The following HPSE2 variants were observed in gnomAD, a reference collection of about 807,000 sequenced individuals.
The protein encoded by HPSE2 is inactive heparanase-2.
A neutral mutation model predicts 60.5 loss-of-function variants in HPSE2; 38 were observed. The observed-to-expected ratio is 0.63, with a 90% CI of 0.48 to 0.82. The LOEUF (loss-of-function observed/expected upper bound fraction) is 0.82, where lower values mean the gene tolerates loss of function less well. Ranked by LOEUF, HPSE2 falls within the 40% of genes least tolerant of loss-of-function variation. The pLI, the probability that HPSE2 is intolerant of heterozygous loss-of-function variation, is 0.00. For missense variants in HPSE2, 713 were observed against 740.4 expected, an observed-to-expected ratio of 0.96 and a Z score of 0.43; for synonymous variants, 295 against 293.2, an observed-to-expected ratio of 1.01 and a Z score of -0.06.
At chr10:98,859,817 A>T (rs141471833) in intron 3 of HPSE2, among the ~76,000 whole-genome samples, 2 of 152,290 alleles carry the variant, frequency 1.3e-5, no homozygotes, top group Non-Finnish European at 2.9e-5. Context: ...ATATATAAAC[A>T]GTAGTCTTGC....
At chr10:98,947,453 T>G (rs1421268226) in intron 3 of HPSE2, among the ~76,000 whole-genome samples, 1 of 152,122 alleles carries the variant, frequency 6.6e-6, no homozygotes, top group Admixed American at 6.6e-5. Context: ...AGATGTGGCT[T>G]TTAAAAAGTC....
intron 3 of HPSE2, among the ~76,000 whole-genome samples, chr10:98,745,844 C>A (rs934755830): frequency 1.3e-5 from 2 of 152,114 alleles, no homozygotes; most frequent in East Asian, 1.9e-4. Flanking sequence ...TAGGGTTCCA[C>A]AAGAGGTCAC....
rs1009509317 is a variant in HPSE2, at chr10:98,562,171, C to T, written c.1320+52733G>A. On this transcript the variant is annotated intron_variant, in intron 9 of 11. Coordinates refer to ENST00000370552, the MANE Select transcript of HPSE2 (RefSeq NM_021828.5). ...AGTTGCCTACAGTATTTAATATGGT[C>T]CCATGCTGTACAGGTTTGTAGCCTA... 2.0e-5 allele frequency among the ~76,000 whole-genome samples: 3 copies of T among 152,126 alleles called. No individual in the cohort carries two copies. In the East Asian group the frequency reaches 5.8e-4, roughly 29 times the overall value.
At chr10:99,010,137 T>A (rs1956978796) in intron 3 of HPSE2, among the ~76,000 whole-genome samples, 1 of 152,228 alleles carries the variant, frequency 6.6e-6, no homozygotes, top group African/African-American at 2.4e-5. Context: ...AGGAATGAGA[T>A]GATTTACTGT....
At chr10:98,546,276 C>T (rs1265684594) in intron 9 of HPSE2, among the ~76,000 whole-genome samples, 1 of 138,630 alleles carries the variant, frequency 7.2e-6, no homozygotes, top group South Asian at 2.4e-4. Context: ...CTACCAATGA[C>T]TTTCTTCACA....
intron 3 of HPSE2, among the ~76,000 whole-genome samples, chr10:98,748,144 A>C (rs1269364113): frequency 2.1e-4 from 32 of 152,026 alleles, no homozygotes; most frequent in Non-Finnish European, 1.5e-5. Flanking sequence ...CCAAAAATAC[A>C]AAAAAATTAG....
rs116773993 is a variant in HPSE2, at chr10:98,591,897, T to C, written c.1320+23007A>G. 3.6e-3 allele frequency among the ~76,000 whole-genome samples: 541 copies of C among 152,314 alleles called. 4 individuals are homozygous for C. Among genetic ancestry groups the C allele is most frequent in the African/African-American group, 0.012 (510 of 41,556 alleles). Reference sequence around the variant, plus strand: ...GATCACTATACTTCAGTTTGGCTTATTGGCCTATTTGGATGAATATTTGAT... The same window carrying C: ...GATCACTATACTTCAGTTTGGCTTACTGGCCTATTTGGATGAATATTTGAT... On this transcript the variant is annotated intron_variant, in intron 9 of 11. Transcript: ENST00000370552.
At chr10:98,916,301 T>C (rs904076781) in intron 3 of HPSE2, among the ~76,000 whole-genome samples, 2 of 152,218 alleles carry the variant, frequency 1.3e-5, no homozygotes, top group Admixed American at 6.5e-5. Flanking sequence ...GCACAGGGCA[T>C]GAAATACTGG....
chr10:99,264,865 C>T, the HPSE2 span, among the ~76,000 whole-genome samples: 1 of 152,106 alleles, frequency 6.6e-6, no homozygotes, highest in Non-Finnish European at 1.5e-5. Flanking sequence ...TAGGTTCCCA[C>T]ACCACCCCTA....
chr10:98,581,031 C>G (rs1218773917), intron 9 of HPSE2, among the ~76,000 whole-genome samples: 1 of 151,092 alleles, frequency 6.6e-6, no homozygotes, highest in Non-Finnish European at 1.5e-5. Context: ...ACCTCTGCCT[C>G]CTGGGTTCAA....
chr10:98,719,494 A>C (rs939874243), intron 5 of HPSE2, among the ~76,000 whole-genome samples: 1 of 151,920 alleles, frequency 6.6e-6, no homozygotes, highest in Non-Finnish European at 1.5e-5. Context: ...ACAAAATAAA[A>C]AGATGTAAAG....
chr10:98,491,411 A>C (rs557759943), intron 9 of HPSE2, among the ~76,000 whole-genome samples: 15 of 152,174 alleles, frequency 9.9e-5, no homozygotes, highest in Non-Finnish European at 8.8e-5. Flanking sequence ...ATGGTCTCCT[A>C]ATATTAAAAA....
chr10:98,731,908 T>C (rs1401262148), intron 4 of HPSE2, among the ~76,000 whole-genome samples: 1 of 151,880 alleles, frequency 6.6e-6, no homozygotes, highest in African/African-American at 2.4e-5. Context: ...GGGGAAAAAA[T>C]ACAAAATCTA....
intron 3 of HPSE2, among the ~76,000 whole-genome samples, chr10:99,094,271 T>C (rs1451322234): frequency 6.6e-6 from 1 of 151,858 alleles, no homozygotes; most frequent in Non-Finnish European, 1.5e-5. Context: ...TATGGTTTAA[T>C]CTTTGGGACT....
intron 11 of HPSE2, among the ~76,000 whole-genome samples, chr10:98,476,128 G>C (rs2133623372): frequency 6.6e-6 from 1 of 151,636 alleles, no homozygotes; most frequent in South Asian, 2.1e-4. Context: ...ATACACCATG[G>C]AATACTATGC....
chr10:98,580,881 TA>T (rs1944779572), intron 9 of HPSE2, among the ~76,000 whole-genome samples: 2 of 145,334 alleles, frequency 1.4e-5, no homozygotes, highest in African/African-American at 5.2e-5. Context: ...ATGATATATA[TA>T]AAATATATAT....
the HPSE2 span, among the ~76,000 whole-genome samples, chr10:99,275,823 G>A: frequency 5.3e-5 from 8 of 152,104 alleles, no homozygotes; most frequent in African/African-American, 1.9e-4. Context: ...GGCTCCTTCA[G>A]GCCAGAACAT....
intron 3 of HPSE2, among the ~76,000 whole-genome samples, chr10:99,100,209 G>A (rs1221879365): frequency 6.6e-6 from 1 of 152,168 alleles, no homozygotes; most frequent in South Asian, 2.1e-4. Context: ...AAAGAAGGAA[G>A]TTCGAATCCA....
At chr10:98,481,216 C>G (rs1941221929) in intron 11 of HPSE2, among the ~76,000 whole-genome samples, 1 of 152,174 alleles carries the variant, frequency 6.6e-6, no homozygotes, top group South Asian at 2.1e-4. Flanking sequence ...TTAATGGCAG[C>G]AGGAGATTTA....
Sources: allele counts gnomAD v4.1 joint callset (sites outside exome capture counted in the v4.1 genomes callset), GRCh38; gene constraint gnomAD v4.1.1; transcripts MANE v1.5; gene names NCBI Gene and HGNC (gene_info 2026-07-23, HGNC 2026-07-21).